Variants in GARNL3 observed in about 807,000 individuals in gnomAD.
GARNL3 encodes the protein GTPase activating Rap/RanGAP domain like 3.
GARNL3 carries 63 observed loss-of-function variants against 125.0 expected under a neutral mutation model. That is an observed-to-expected ratio of 0.50 (90% CI 0.41 to 0.62). The LOEUF is 0.62. Among genes scored for constraint, GARNL3 ranks in the 20% least tolerant of loss-of-function variants. The pLI, the probability that GARNL3 is intolerant of heterozygous loss-of-function variation, is 0.00. For missense variants in GARNL3, 994 were observed against 1,244.0 expected, an observed-to-expected ratio of 0.80 and a Z score of 3.02; for synonymous variants, 439 against 457.5, an observed-to-expected ratio of 0.96 and a Z score of 0.52.
At chr9:127,313,948 T>C (rs1220222164) in intron 4 of GARNL3, among the ~76,000 whole-genome samples, 2 of 152,148 alleles carry the variant, frequency 1.3e-5, no homozygotes, top group African/African-American at 4.8e-5. Flanking sequence ...GACCTAATGG[T>C]CACAGAAGAG....
chr9:127,390,706 CG>C lies in GARNL3; in HGVS notation c.2811del (p.Leu938Ter). ...AAAGGCCAAATCAAAACCCCGGAAG[CG>C]GTTAGAAGAAAGCCAAGGAGGCCCC... is the stretch of plus-strand genomic sequence containing the variant. ...APKAKSKPRK[R>X]LEESQGGPKP... On this transcript the variant is annotated frameshift_variant, in exon 27 of 28. Transcript: ENST00000373387. LOFTEE classifies it high-confidence loss of function. 2.5e-6 allele frequency: 4 copies of C among 1,613,860 alleles called. No homozygotes were observed. The highest frequency in any genetic ancestry group is 3.4e-6 in the Non-Finnish European group (4 of 1,179,824).
intron 4 of GARNL3, among the ~76,000 whole-genome samples, chr9:127,315,408 G>A (rs763045378): frequency 1.3e-5 from 2 of 152,132 alleles, no homozygotes; most frequent in Non-Finnish European, 2.9e-5. Context: ...AGGTCGAGGT[G>A]GGAGGAGCAC....
chr9:127,383,159 G>A (rs1355126338), intron 22 of GARNL3, among the ~76,000 whole-genome samples: 1 of 152,198 alleles, frequency 6.6e-6, no homozygotes, highest in Admixed American at 6.5e-5. Flanking sequence ...ACTTTGTGAA[G>A]TTCTACAGAT....
intron 22 of GARNL3, among the ~76,000 whole-genome samples, chr9:127,370,103 G>A (rs1831525054): frequency 6.6e-6 from 1 of 152,228 alleles, no homozygotes. Context: ...ATACACAACT[G>A]TAAGACACTA....
intron 13 of GARNL3, among the ~76,000 whole-genome samples, 187 bp downstream of exon 13, chr9:127,339,938 C>A (rs1829772944): frequency 6.6e-6 from 1 of 152,146 alleles, no homozygotes; most frequent in Non-Finnish European, 1.5e-5. Flanking sequence ...TTTTCATCCC[C>A]ACCTTCCATC....
At chr9:127,348,323 A>C (rs1358146483) in intron 16 of GARNL3, among the ~76,000 whole-genome samples, 1 of 152,240 alleles carries the variant, frequency 6.6e-6, no homozygotes, top group Non-Finnish European at 1.5e-5. Flanking sequence ...TGAACTAAGA[A>C]GAGTTTGCTT....
At chr9:127,363,382 G>A (rs1419185372) in intron 21 of GARNL3, 2 of 152,212 alleles carry the variant, frequency 1.3e-5, no homozygotes, top group South Asian at 2.1e-4. Flanking sequence ...TTCTTAAGGG[G>A]TCAACCTCAC....
Position 127,305,443 on chromosome 9 carries a change from G to A in GARNL3, c.220-6193G>A, listed in dbSNP as rs7875825. 9.3e-3 allele frequency among the ~76,000 whole-genome samples: 1,413 copies of A among 152,294 alleles called. 26 individuals carry two copies. Among genetic ancestry groups the A allele is most frequent in the African/African-American group, 0.032 (1,321 of 41,556 alleles). ...CCTCATCAAATGTGGTTTTAGCAAGGGATGGGAAGTGTCTTGCTCTGTAAG... is the reference window on the plus strand; with the variant it reads ...CCTCATCAAATGTGGTTTTAGCAAGAGATGGGAAGTGTCTTGCTCTGTAAG... On this transcript the variant is annotated intron_variant, in intron 2 of 27. Coordinates refer to ENST00000373387, the MANE Select transcript of GARNL3 (RefSeq NM_032293.5).
At position 127,329,820 on chromosome 9, in the gene GARNL3, C is replaced by A. The variant is rs576349225; in HGVS notation, c.595-2454C>A. Reference sequence around the variant, plus strand: ...CAAGTCCCTGTCTTCCCTGAGCTTCCCTGTCCTGTCTTAAAATAAAAGCAT... The same window carrying A: ...CAAGTCCCTGTCTTCCCTGAGCTTCACTGTCCTGTCTTAAAATAAAAGCAT... On this transcript the variant is annotated intron_variant, in intron 7 of 27. Transcript: ENST00000373387. 1.2e-4 allele frequency among the ~76,000 whole-genome samples: 18 copies of A among 152,260 alleles called. No homozygotes were observed. In the South Asian group the frequency reaches 3.7e-3, roughly 32 times the overall value.
At chr9:127,375,008 G>C (rs576619597) in intron 22 of GARNL3, among the ~76,000 whole-genome samples, 4 of 152,130 alleles carry the variant, frequency 2.6e-5, no homozygotes, top group Non-Finnish European at 5.9e-5. Flanking sequence ...ACGATTGCTC[G>C]TAATCAGTGT....
intron 7 of GARNL3, among the ~76,000 whole-genome samples, chr9:127,326,933 T>C (rs539455640): frequency 2.6e-5 from 4 of 152,242 alleles, no homozygotes; most frequent in Admixed American, 1.3e-4. Flanking sequence ...CCTCCAGAAC[T>C]GTGAGAAATA....
intron 5 of GARNL3, among the ~76,000 whole-genome samples, chr9:127,318,970 C>T (rs950596482): frequency 5.3e-5 from 8 of 152,142 alleles, no homozygotes; most frequent in African/African-American, 1.9e-4. Context: ...CCATGTGACT[C>T]CAGAGCTTGG....
At chr9:127,366,381 T>C (rs1479145208) in intron 22 of GARNL3, among the ~76,000 whole-genome samples, 1 of 152,178 alleles carries the variant, frequency 6.6e-6, no homozygotes, top group African/African-American at 2.4e-5. Flanking sequence ...AGGTCTTTAA[T>C]GGCCCATGTG....
In GARNL3 at chr9:127,326,931, A is replaced by G. The variant is rs576730979; in HGVS notation, c.594+1836A>G. Among the ~76,000 whole-genome samples the G allele has an allele frequency of 3.3e-5, 5 of 152,234 alleles. No individual in the cohort carries two copies. In the South Asian group the frequency reaches 1.0e-3, roughly 32 times the overall value. On this transcript the variant is annotated intron_variant, in intron 7 of 27. Coordinates refer to ENST00000373387, the MANE Select transcript of GARNL3 (RefSeq NM_032293.5). The stretch of plus-strand genomic sequence containing the variant: ...GATATTGGACCTCCCAGCCTCCAGA[A>G]CTGTGAGAAATAAATTTCTGTTATT...
intron 2 of GARNL3, among the ~76,000 whole-genome samples, chr9:127,306,321 G>A (rs968729623): frequency 2.6e-5 from 4 of 152,126 alleles, no homozygotes; most frequent in Non-Finnish European, 5.9e-5. Flanking sequence ...AGTGGCTCAC[G>A]CCTGTAATCC....
At chr9:127,286,112 G>A (rs2064243910) in intron 1 of GARNL3, among the ~76,000 whole-genome samples, 1 of 152,174 alleles carries the variant, frequency 6.6e-6, no homozygotes, top group South Asian at 2.1e-4. Context: ...CTAAACTCCT[G>A]GATAGACAGA....
At position 127,296,137 on chromosome 9, in the gene GARNL3, C is replaced by T. The variant is rs182028410; in HGVS notation, c.219+4895C>T. ...ATGCTGCTGCTGATCTGACAGGAGA[C>T]GGAGCTCAGGTGGTAATATAAGTGA... On this transcript the variant is annotated intron_variant, in intron 2 of 27. Transcript: ENST00000373387. Among the ~76,000 whole-genome samples, 80 of 152,254 alleles carry T rather than the reference C, an allele frequency of 5.3e-4. 2 individuals are homozygous for T. The South Asian group carries it at 0.014, about 26-fold the overall frequency.
chr9:127,231,233 T>TG (rs1433237432), intron 1 of GARNL3, among the ~76,000 whole-genome samples: 2 of 138,722 alleles, frequency 1.4e-5, no homozygotes, highest in Non-Finnish European at 3.1e-5. Context: ...TTTTTGTTTT[T>TG]TTTTTTTTTT....
At chr9:127,358,228 G>A (rs7847781) in intron 21 of GARNL3, among the ~76,000 whole-genome samples, 114,615 of 152,218 alleles carry the variant, frequency 0.75, 43,724 homozygotes, top group East Asian at 0.91. Context: ...AGAGCGTTCA[G>A]CACTGACACT....
Sources: gnomAD v4.1 joint callset for allele counts (sites outside exome capture counted in the v4.1 genomes callset) on GRCh38, gnomAD v4.1.1 for gene constraint, MANE v1.5 for transcripts, NCBI Gene and HGNC (gene_info 2026-07-23, HGNC 2026-07-21) for gene names.